LEMD3: variants seen among roughly 807,000 people sequenced by gnomAD.
LEMD3 encodes the protein LEM domain containing 3, also known as inner nuclear membrane protein Man1.
A neutral mutation model predicts 95.2 loss-of-function variants in LEMD3; 33 were observed. The observed-to-expected ratio is 0.35, with a 90% CI of 0.26 to 0.46. The LOEUF is 0.46. Ranked by LOEUF, LEMD3 falls within the 20% of genes least tolerant of loss-of-function variation. The probability of loss-of-function intolerance (pLI) is 1.00; values close to 1 mark genes in which losing one functional copy is unlikely to be tolerated. For missense variants in LEMD3, 1,210 were observed against 1,192.8 expected (o/e 1.01, Z -0.21); for synonymous variants, 525 against 474.6 (o/e 1.11, Z -1.38).
intron 4 of LEMD3, 52 bp from the exon 5 acceptor site, chr12:65,238,448 CAG>C (rs1393458742): frequency 1.8e-6 from 2 of 1,089,032 alleles, no homozygotes. Context: ...GGATACTTTA[CAG>C]AGAGTCGAAT....
In LEMD3 at chr12:65,235,497, C is replaced by G. The variant is rs138907141; in HGVS notation, c.1696-3005C>G. 9.3e-3 allele frequency among the ~76,000 whole-genome samples: 1,415 copies of G among 151,526 alleles called. 23 individuals carry two copies. Among genetic ancestry groups the G allele is most frequent in the African/African-American group, 0.032 (1,331 of 41,292 alleles). ...TTTTGCATCCATGGATTTAACCAACCGTGGATCAAAAATCTTAGTGGCAAT... is the reference window on the plus strand; with the variant it reads ...TTTTGCATCCATGGATTTAACCAACGGTGGATCAAAAATCTTAGTGGCAAT... On this transcript the variant is annotated intron_variant, in intron 4 of 12. Coordinates refer to ENST00000308330, the MANE Select transcript of LEMD3 (RefSeq NM_014319.5).
intron 1 of LEMD3, among the ~76,000 whole-genome samples, chr12:65,201,862 A>G (rs1332692314): frequency 2.6e-5 from 4 of 152,070 alleles, no homozygotes; most frequent in Non-Finnish European, 5.9e-5. Context: ...TGTTCATCTT[A>G]ATGGGAATGC....
chr12:65,198,003 T>A (rs1869485104), intron 1 of LEMD3, among the ~76,000 whole-genome samples: 1 of 152,156 alleles, frequency 6.6e-6, no homozygotes, highest in Admixed American at 6.5e-5. Flanking sequence ...AGAAGACCTA[T>A]TGTATTTAAT....
At position 65,170,349 on chromosome 12, in the gene LEMD3, C is replaced by A. The variant is rs201160057; in HGVS notation, c.753C>A (p.Pro251=). Residue 251 remains proline (P), a synonymous_variant, in exon 1 of 13, where the codon CCC becomes CCA. Coordinates refer to ENST00000308330, the MANE Select transcript of LEMD3 (RefSeq NM_014319.5). ...CCGTGAATGGCAGCCGGCTTGTCCC[C>A]TACAGCTGCCGGGAAAACTATTCGG... ...SRTVNGSRLV[P]YSCRENYSDS... 6.2e-7 allele frequency: 1 copy of A among 1,609,380 alleles called. No homozygotes were observed. The highest frequency in any genetic ancestry group is 1.1e-5 in the South Asian group (1 of 90,546).
At chr12:65,197,537 C>A (rs1221473597) in intron 1 of LEMD3, among the ~76,000 whole-genome samples, 1 of 152,112 alleles carries the variant, frequency 6.6e-6, no homozygotes, top group Non-Finnish European at 1.5e-5. Context: ...CATAATGTAA[C>A]TACTTAAATT....
At chr12:65,189,237 T>C (rs1240193828) in intron 1 of LEMD3, among the ~76,000 whole-genome samples, 1 of 152,104 alleles carries the variant, frequency 6.6e-6, no homozygotes, top group African/African-American at 2.4e-5. Flanking sequence ...CTGCAGAAAG[T>C]GAAACTGCCA....
At chr12:65,220,143 G>A (rs1054957423) in intron 4 of LEMD3, among the ~76,000 whole-genome samples, 1 of 152,096 alleles carries the variant, frequency 6.6e-6, no homozygotes, top group African/African-American at 2.4e-5. Flanking sequence ...CATATTGACT[G>A]TACCATTTTA....
intron 1 of LEMD3, among the ~76,000 whole-genome samples, chr12:65,203,129 A>T (rs1010986953): frequency 2.6e-5 from 4 of 152,156 alleles, no homozygotes; most frequent in African/African-American, 4.8e-5. Flanking sequence ...GGAAGCTTAT[A>T]AATGATATTA....
chr12:65,197,341 G>A (rs968665489), intron 1 of LEMD3, among the ~76,000 whole-genome samples: 4 of 152,080 alleles, frequency 2.6e-5, no homozygotes, highest in Non-Finnish European at 4.4e-5. Context: ...ACACATATTC[G>A]TGTATATTCT....
At chr12:65,233,911 TA>T (rs1372676699) in intron 4 of LEMD3, among the ~76,000 whole-genome samples, 1 of 152,142 alleles carries the variant, frequency 6.6e-6, no homozygotes. Context: ...AGTACACACA[TA>T]ATGTGTTAGA....
At chr12:65,192,172 A>G (rs998990301) in intron 1 of LEMD3, among the ~76,000 whole-genome samples, 1 of 152,022 alleles carries the variant, frequency 6.6e-6, no homozygotes, top group African/African-American at 2.4e-5. Flanking sequence ...CAAAGACCTA[A>G]TAAAGCAAGA....
At chr12:65,218,688 G>T in intron 4 of LEMD3, 69 bp downstream of exon 4, 3 of 859,538 alleles carry the variant, frequency 3.5e-6, no homozygotes, top group Non-Finnish European at 1.9e-6. Flanking sequence ...CTACTTGTAA[G>T]AATCATATGT....
chr12:65,213,253 C>T (rs1869999502), intron 2 of LEMD3, among the ~76,000 whole-genome samples: 1 of 152,072 alleles, frequency 6.6e-6, no homozygotes, highest in African/African-American at 2.4e-5. Context: ...GAGACAAGGT[C>T]TCATTTTTAT....
intron 4 of LEMD3, among the ~76,000 whole-genome samples, chr12:65,222,635 C>A (rs1345153391): frequency 2.6e-5 from 4 of 151,828 alleles, no homozygotes; most frequent in African/African-American, 9.7e-5. Context: ...TCATTAAATT[C>A]TCTATTTAAT....
In LEMD3 at chr12:65,170,946, A is replaced by G. The variant is rs145116568; in HGVS notation, c.1350A>G (p.Glu450=). 1,085 of 1,614,218 alleles carry G rather than the reference A, an allele frequency of 6.7e-4. No homozygotes were observed. The highest frequency in any genetic ancestry group is 3.3e-3 in the Middle Eastern group (20 of 6,062). Residue 450 remains glutamate (E), a synonymous_variant, in exon 1 of 13, where the codon GAA becomes GAG. Coordinates refer to ENST00000308330, the MANE Select transcript of LEMD3 (RefSeq NM_014319.5). ...TYNKPKLSEP[E]EELLQQFKRE... ...ACAAACCGAAGCTTTCCGAACCCGAAGAGGAACTTCTCCAGCAATTTAAAC... is the reference window on the plus strand; with the variant it reads ...ACAAACCGAAGCTTTCCGAACCCGAGGAGGAACTTCTCCAGCAATTTAAAC...
chr12:65,182,263 T>G (rs1868931669), intron 1 of LEMD3, among the ~76,000 whole-genome samples: 1 of 152,132 alleles, frequency 6.6e-6, no homozygotes, highest in South Asian at 2.1e-4. Context: ...GGGCCTTGCT[T>G]TTTGTGTCTG....
intron 4 of LEMD3, among the ~76,000 whole-genome samples, chr12:65,232,336 T>A (rs777482560): frequency 6.6e-6 from 1 of 152,110 alleles, no homozygotes; most frequent in Non-Finnish European, 1.5e-5. Context: ...AGCAACACAT[T>A]TAAGTTTTTA....
At chr12:65,189,394 A>AGACC (rs1380373962) in intron 1 of LEMD3, among the ~76,000 whole-genome samples, 2 of 152,196 alleles carry the variant, frequency 1.3e-5, no homozygotes, top group Non-Finnish European at 2.9e-5. Context: ...GCAGTTGGTC[A>AGACC]AGGTTTCTAG....
At chr12:65,224,687 A>G (rs944171900) in intron 4 of LEMD3, among the ~76,000 whole-genome samples, 1 of 152,122 alleles carries the variant, frequency 6.6e-6, no homozygotes, top group African/African-American at 2.4e-5. Flanking sequence ...TGAACATAAC[A>G]TGTCTGAATA....
Sources: allele counts gnomAD v4.1 joint callset (sites outside exome capture counted in the v4.1 genomes callset), GRCh38; gene constraint gnomAD v4.1.1; transcripts MANE v1.5; gene names NCBI Gene and HGNC (gene_info 2026-07-23, HGNC 2026-07-21).